LPCAT1: variants seen among roughly 807,000 people sequenced by gnomAD.
The protein encoded by LPCAT1 is lysophosphatidylcholine acyltransferase 1, also known as 1-acylglycerol-3-phosphate O-acyltransferase.
Under a neutral mutation model 60.9 loss-of-function variants are expected in LPCAT1, and 23 were observed. The ratio of observed to expected loss-of-function variants is 0.38; its 90% CI spans 0.27 to 0.53. The LOEUF is 0.53. LPCAT1 is among the 20% of genes least tolerant of loss of function. LPCAT1 has a pLI of 0.82. For synonymous variants in LPCAT1, 340 were observed against 301.1 expected (o/e 1.13, Z -1.34); for missense variants, 622 against 723.6 (o/e 0.86, Z 1.61).
intron 5 of LPCAT1, among the ~76,000 whole-genome samples, chr5:1,484,405 T>C (rs72717528): frequency 0.14 from 20,768 of 152,308 alleles, 1,731 homozygotes; most frequent in Middle Eastern, 0.21. Context: ...TTTTTTTAAC[T>C]GGAAAACTCA....
chr5:1,474,252 T>C (rs997089386), intron 10 of LPCAT1, 142 bp from the exon 11 acceptor site: 13 of 998,460 alleles, frequency 1.3e-5, no homozygotes, highest in Admixed American at 5.4e-5. Context: ...ATTCTCCTAA[T>C]TGGAAGGTGC....
At chr5:1,501,745 C>T in intron 1 of LPCAT1, 142 bp from the exon 2 acceptor site, 1 of 835,978 alleles carries the variant, frequency 1.2e-6, no homozygotes, top group Non-Finnish European at 1.9e-6. Flanking sequence ...CACAGCTGAC[C>T]AAGGCTGACC....
At position 1,465,199 on chromosome 5, in the gene LPCAT1, TAACTA is replaced by T. The variant is rs1349144746; in HGVS notation, c.1421-1369_1421-1365del. On this transcript the variant is annotated intron_variant, in intron 13 of 13. Coordinates refer to ENST00000283415, the MANE Select transcript of LPCAT1 (RefSeq NM_024830.5). ...ACAAAACAAGCGCACGCGCACACAGTAACTAAACACACATGCGTGCACACACACAA... is the reference window on the plus strand; with the variant it reads ...ACAAAACAAGCGCACGCGCACACAGTAACACACATGCGTGCACACACACAA... 7.4e-3 allele frequency among the ~76,000 whole-genome samples: 876 copies of T among 118,886 alleles called. 8 individuals carry two copies. The highest frequency in any genetic ancestry group is 0.028 in the African/African-American group (856 of 30,588). The allele number at this position is 118,886 out of a possible 152,430, so 78.0% of individuals were successfully genotyped here.
In LPCAT1 at chr5:1,474,107, T is replaced by C. The variant is rs1345463974; in HGVS notation, c.1029A>G (p.Leu343=). The C allele has an allele frequency of 1.9e-6, 3 of 1,606,356 alleles. No homozygotes were observed. The highest frequency in any genetic ancestry group is 1.1e-5 in the South Asian group (1 of 88,660). ...GATCTTTTTCAAGCTTTTCTGGTTT[T>C]AGCCTAGACAAAAAAAGAGGGAAAG... ...EFARLVRGLG[L]KPEKLEKDLD... Residue 343 remains leucine, a synonymous_variant, in exon 11 of 14, where the codon CTA becomes CTG. Transcript: ENST00000283415.
At position 1,489,729 on chromosome 5, in the gene LPCAT1, A is replaced by G. The variant is rs780125501; in HGVS notation, c.606+17T>C. The G allele has an allele frequency of 3.3e-6, 5 of 1,531,092 alleles. No individual in the cohort carries two copies. In the South Asian group the frequency reaches 5.6e-5, roughly 17 times the overall value. The allele number at this position is 1,531,092 out of a possible 1,614,324, so 94.8% of individuals were successfully genotyped here. A position where few individuals can be genotyped will look rare whatever the true frequency, so the allele number is the denominator to read the frequency against. On this transcript the variant is annotated intron_variant, in intron 4 of 13. Transcript: ENST00000283415. ...GGAATAAAACCACTGAAACACAATC[A>G]GGGCTACGTGCATTACCTGTGGCCA...
intron 1 of LPCAT1, among the ~76,000 whole-genome samples, chr5:1,518,320 G>A (rs11750732): frequency 0.023 from 3,514 of 152,326 alleles, 56 homozygotes; most frequent in Middle Eastern, 0.068. Context: ...TGCTTGTCCC[G>A]GGCACAGTAA....
rs1024256549 is a variant in LPCAT1, at chr5:1,481,418, C to T, written c.727-442G>A. On this transcript the variant is annotated intron_variant, in intron 6 of 13. Transcript: ENST00000283415. This position sits in a 1 kb window ranked among gnomAD's most constrained non-coding sequence, Gnocchi z 7.8. ...CTGCCCACCGCTCTCTCCAACTGCTCTGAGTGTTCCCCCAACCACGGTGCA... is the reference window on the plus strand; with the variant it reads ...CTGCCCACCGCTCTCTCCAACTGCTTTGAGTGTTCCCCCAACCACGGTGCA... Among the ~76,000 whole-genome samples, 5 of 152,250 alleles carry T rather than the reference C, an allele frequency of 3.3e-5. No individual in the cohort carries two copies. The highest frequency in any genetic ancestry group is 2.0e-4 in the Admixed American group (3 of 15,290).
At position 1,514,706 on chromosome 5, in the gene LPCAT1, G is replaced by A. The variant is rs554204325; in HGVS notation, c.135+9004C>T. 9.1e-4 allele frequency among the ~76,000 whole-genome samples: 138 copies of A among 152,318 alleles called. 2 individuals carry two copies. Among genetic ancestry groups the A allele is most frequent in the African/African-American group, 3.1e-3 (128 of 41,564 alleles). ...CTCAGGGGCTGTGGACCATGCAGGC[G>A]CTGCAGACAGTGATACATCGTGGGG... is the stretch of plus-strand genomic sequence containing the variant. On this transcript the variant is annotated intron_variant, in intron 1 of 13. Coordinates refer to ENST00000283415, the MANE Select transcript of LPCAT1 (RefSeq NM_024830.5).
intron 12 of LPCAT1, 117 bp downstream of exon 12, chr5:1,470,706 TAGC>T (rs1734631969): frequency 5.8e-6 from 4 of 684,094 alleles, no homozygotes; most frequent in Non-Finnish European, 4.7e-6. Context: ...TACGTAAAAA[TAGC>T]AGTTGGGCAA....
In LPCAT1 at chr5:1,502,876, G is replaced by T. The variant is rs1287715369; in HGVS notation, c.136-1273C>A. 6.6e-6 allele frequency among the ~76,000 whole-genome samples: 1 copy of T among 152,100 alleles called. No homozygotes were observed. The highest frequency in any genetic ancestry group is 6.5e-5 in the Admixed American group (1 of 15,284). On this transcript the variant is annotated intron_variant, in intron 1 of 13. Coordinates refer to ENST00000283415, the MANE Select transcript of LPCAT1 (RefSeq NM_024830.5). The surrounding 1 kb of genome is among the most constrained non-coding windows in gnomAD (Gnocchi z 5.5). The stretch of plus-strand genomic sequence containing the variant: ...CCCAAGAGAAACATGCCTGCCACAT[G>T]TGTCATTTTAAATTTTCGAGTGGCC...
chr5:1,494,318 C>T (rs1277983019), intron 3 of LPCAT1, among the ~76,000 whole-genome samples: 1 of 152,182 alleles, frequency 6.6e-6, no homozygotes, highest in East Asian at 1.9e-4. Context: ...ATAACAATTA[C>T]AACAACGAAA....
chr5:1,508,497 G>C (rs1347235728), intron 1 of LPCAT1, among the ~76,000 whole-genome samples: 1 of 152,114 alleles, frequency 6.6e-6, no homozygotes, highest in Non-Finnish European at 1.5e-5. Flanking sequence ...GGACGGCCCT[G>C]TGAGGACACA....
intron 1 of LPCAT1, among the ~76,000 whole-genome samples, chr5:1,507,686 G>A (rs913024999): frequency 3.3e-5 from 5 of 152,220 alleles, no homozygotes; most frequent in African/African-American, 1.2e-4. Context: ...AAGGAAGCTG[G>A]CAGAGGCTCA....
chr5:1,503,494 C>T (rs1386055244), intron 1 of LPCAT1, among the ~76,000 whole-genome samples: 1 of 152,234 alleles, frequency 6.6e-6, no homozygotes, highest in Non-Finnish European at 1.5e-5. Flanking sequence ...CACGGTCTCT[C>T]TAATACTGAA....
chr5:1,493,849 G>C (rs1388382636), intron 3 of LPCAT1, among the ~76,000 whole-genome samples: 1 of 152,250 alleles, frequency 6.6e-6, no homozygotes. Context: ...GGTTTTTACA[G>C]AGGTAACTCG....
Position 1,523,678 on chromosome 5 carries a change from G to T in LPCAT1, c.135+32C>A. 1 of 1,073,996 alleles carries T rather than the reference G, an allele frequency of 9.3e-7. No individual in the cohort carries two copies. Among genetic ancestry groups the T allele is most frequent in the South Asian group, 3.8e-5 (1 of 26,282 alleles). 66.5% of individuals were successfully genotyped at this position (1,073,996 alleles called of 1,614,324 possible). A position where few individuals can be genotyped will look rare whatever the true frequency, so the allele number is the denominator to read the frequency against. ...CCCCAGCATCCCTGGCGTCCGCGCC[G>T]GCTCCCGGGGCCGCGCGCCCTGGGC... On this transcript the variant is annotated intron_variant, in intron 1 of 13. Transcript: ENST00000283415. The surrounding 1 kb of genome is among the most constrained non-coding windows in gnomAD (Gnocchi z 7.1).
chr5:1,486,886 C>T (rs1735390052), intron 5 of LPCAT1, among the ~76,000 whole-genome samples: 1 of 152,202 alleles, frequency 6.6e-6, no homozygotes, highest in Non-Finnish European at 1.5e-5. Flanking sequence ...CTCCCCAGAC[C>T]CCGTGGAACC....
At chr5:1,513,672 C>T in intron 1 of LPCAT1, among the ~76,000 whole-genome samples, 1 of 151,136 alleles carries the variant, frequency 6.6e-6, no homozygotes, top group East Asian at 2.0e-4. Flanking sequence ...CACAGGCTCT[C>T]ACCCGTGGGG....
intron 8 of LPCAT1, chr5:1,479,358 G>C (rs1307516118): frequency 2.9e-5 from 15 of 512,304 alleles, no homozygotes; most frequent in Non-Finnish European, 4.6e-5. Context: ...CTGGGCAACA[G>C]AGCAAGACAA....
Sources: gnomAD v4.1 joint callset for allele counts (sites outside exome capture counted in the v4.1 genomes callset) on GRCh38, gnomAD v4.1.1 for gene constraint, Gnocchi (gnomAD v3.1) non-coding constraint, MANE v1.5 for transcripts, NCBI Gene and HGNC (gene_info 2026-07-23, HGNC 2026-07-21) for gene names.